Variants in MTCL1 observed in about 807,000 individuals in gnomAD.
The protein encoded by MTCL1 is microtubule crosslinking factor 1, also known as microtubule cross-linking factor 1.
MTCL1 carries 79 observed loss-of-function variants against 141.4 expected under a neutral mutation model. The ratio of observed to expected loss-of-function variants is 0.56; its 90% CI spans 0.47 to 0.67. The LOEUF (loss-of-function observed/expected upper bound fraction) is 0.67. MTCL1 is among the 30% of genes least tolerant of loss of function. The pLI, the probability that MTCL1 is intolerant of heterozygous loss-of-function variation, is 0.00. For missense variants in MTCL1, 2,177 were observed against 2,113.9 expected (o/e 1.03, Z -0.59); for synonymous variants, 914 against 875.8 (o/e 1.04, Z -0.77).
At chr18:8,794,528 G>A (rs773759900) in intron 8 of MTCL1, among the ~76,000 whole-genome samples, 2 of 152,202 alleles carry the variant, frequency 1.3e-5, no homozygotes, top group Admixed American at 6.5e-5. Context: ...GTGCGGGTCC[G>A]GGTGTCTCAG....
chr18:8,792,525 C>CT (rs35805399), intron 7 of MTCL1, among the ~76,000 whole-genome samples: 54,004 of 151,930 alleles, frequency 0.36, 9,944 homozygotes, highest in East Asian at 0.48. Context: ...AGGAAAAACT[C>CT]TAATAAGAAA....
At chr18:8,763,558 A>G (rs28649442) in intron 4 of MTCL1, among the ~76,000 whole-genome samples, 6,910 of 152,336 alleles carry the variant, frequency 0.045, 408 homozygotes, top group African/African-American at 0.12. Flanking sequence ...CTTGTATGGA[A>G]GAGGTTTCCT....
At chr18:8,730,538 G>A (rs1325846601) in intron 4 of MTCL1, among the ~76,000 whole-genome samples, 2 of 152,172 alleles carry the variant, frequency 1.3e-5, no homozygotes, top group Non-Finnish European at 2.9e-5. Flanking sequence ...TCATGAAATT[G>A]GCCTGTTTGG....
At chr18:8,721,564 T>C (rs540794505) in intron 4 of MTCL1, among the ~76,000 whole-genome samples, 1 of 152,136 alleles carries the variant, frequency 6.6e-6, no homozygotes, top group East Asian at 1.9e-4. Flanking sequence ...CGCTGGAATG[T>C]TCTTTCTCCA....
At chr18:8,794,612 C>T (rs2075851018) in intron 8 of MTCL1, among the ~76,000 whole-genome samples, 1 of 152,302 alleles carries the variant, frequency 6.6e-6, no homozygotes, top group African/African-American at 2.4e-5. Context: ...GAAGCTTGCC[C>T]AGCATGAGTC....
intron 12 of MTCL1, 88 bp downstream of exon 11, chr18:8,813,321 A>G (rs1049257689): frequency 3.7e-5 from 54 of 1,453,872 alleles, no homozygotes; most frequent in African/African-American, 8.5e-5. Flanking sequence ...AGGCTGCTTC[A>G]TGGTCCTTGC....
rs536138913 is a variant in MTCL1 at position 8,770,874 on chromosome 18, G to A, written c.358-6959G>A. Among the ~76,000 whole-genome samples the A allele has an allele frequency of 5.9e-5, 9 of 152,258 alleles. No individual in the cohort carries two copies. In the South Asian group the frequency reaches 1.9e-3, roughly 32 times the overall value. Reference sequence around the variant, plus strand: ...TCCTGTTGTGTAATTCCAGTGCAAGGTGAAGCAAGCAGCTCCATGGTGTGA... The same window carrying A: ...TCCTGTTGTGTAATTCCAGTGCAAGATGAAGCAAGCAGCTCCATGGTGTGA... On this transcript the variant is annotated intron_variant, in intron 4 of 16. Coordinates refer to ENST00000359865, the Ensembl canonical transcript of MTCL1.
intron 8 of MTCL1, 24 bp downstream of exon 7, chr18:8,793,144 C>A: frequency 6.2e-7 from 1 of 1,611,068 alleles, no homozygotes; most frequent in South Asian, 1.1e-5. Context: ...ACGGACTCAG[C>A]ACAACCGCTT....
At chr18:8,821,412 G>A (rs932891064) in intron 13 of MTCL1, 55 bp from the exon 13 acceptor site, 16 of 1,147,296 alleles carry the variant, frequency 1.4e-5, no homozygotes, top group Non-Finnish European at 2.1e-5. Context: ...GTACATTCAG[G>A]GCTTCTGGAC....
chr18:8,751,817 A>C (rs1388316351), intron 4 of MTCL1, among the ~76,000 whole-genome samples: 1 of 152,232 alleles, frequency 6.6e-6, no homozygotes, highest in Non-Finnish European at 1.5e-5. Context: ...GTTGGGGCAG[A>C]TGGAGCCGTG....
chr18:8,788,821 A>G (rs1465070043), intron 7 of MTCL1, among the ~76,000 whole-genome samples: 1 of 152,124 alleles, frequency 6.6e-6, no homozygotes, highest in African/African-American at 2.4e-5. Flanking sequence ...CAATGCAACC[A>G]CGCAAAAATG....
chr18:8,783,690 C>CG lies in MTCL1; in HGVS notation c.583dup (p.Glu195GlyfsTer72), dbSNP rs1375316108. ...GGGGATGTGGACAGTCCCCTGCCCA[C>CG]GGGGGAAGCAGGCGGGCCCCCCAGC... On this transcript the variant is annotated frameshift_variant, in exon 6 of 17. Coordinates refer to ENST00000359865, the Ensembl canonical transcript of MTCL1. LOFTEE classifies it high-confidence loss of function. 1 of 1,610,236 alleles carries CG rather than the reference C, an allele frequency of 6.2e-7. No homozygotes were observed. The highest frequency in any genetic ancestry group is 8.5e-7 in the Non-Finnish European group (1 of 1,178,064).
chr18:8,788,012 TG>T (rs1363147664), intron 7 of MTCL1, among the ~76,000 whole-genome samples: 1 of 96,070 alleles, frequency 1.0e-5, no homozygotes, highest in Non-Finnish European at 1.9e-5. Flanking sequence ...TGGATAATTC[TG>T]GGGGCAGAAC....
At chr18:8,809,523 G>T in intron 11 of MTCL1, 1 of 1,536,244 alleles carries the variant, frequency 6.5e-7, no homozygotes, top group Non-Finnish European at 8.7e-7. Context: ...TGGGTCCACG[G>T]TAAAAACGTT....
At chr18:8,783,768 A>C (rs754094208) in exon 6 of MTCL1, 2 of 1,613,136 alleles carry the variant, frequency 1.2e-6, no homozygotes, top group South Asian at 2.2e-5. Context: ...GAGGAAGCCA[A>C]CATCTTGGGC....
chr18:8,778,350 G>A (rs1446063297), intron 5 of MTCL1, among the ~76,000 whole-genome samples: 1 of 152,188 alleles, frequency 6.6e-6, no homozygotes, highest in Non-Finnish European at 1.5e-5. Context: ...AATATTCTCA[G>A]CCTTTTCTAG....
intron 9 of MTCL1, among the ~76,000 whole-genome samples, chr18:8,797,115 C>G (rs2075953534): frequency 6.6e-6 from 1 of 152,202 alleles, no homozygotes; most frequent in South Asian, 2.1e-4. Context: ...GCTCCCGTCT[C>G]CTTTGCTGCT....
intron 2 of MTCL1, chr18:8,718,031 T>C (rs2096141289): frequency 1.0e-6 from 1 of 958,062 alleles, no homozygotes; most frequent in Non-Finnish European, 1.3e-6. Flanking sequence ...GAAGGCAGGG[T>C]CCGTATGATT....
rs74732785 is a variant in MTCL1, at chr18:8,758,392, T to G, written c.358-19441T>G. On this transcript the variant is annotated intron_variant, in intron 4 of 16. Transcript: ENST00000359865. ...CCAGGAGATCTTTCCACTCATCTAG[T>G]CATGGCTCACTCCTTGTTTCCTAGG... 3.2e-3 allele frequency among the ~76,000 whole-genome samples: 486 copies of G among 152,314 alleles called. 1 individual carries two copies. Among genetic ancestry groups the G allele is most frequent in the Non-Finnish European group, 5.5e-3 (375 of 68,024 alleles).
Sources: allele counts gnomAD v4.1 joint callset (sites outside exome capture counted in the v4.1 genomes callset), GRCh38; gene constraint gnomAD v4.1.1; transcripts MANE v1.5; gene names NCBI Gene and HGNC (gene_info 2026-07-23, HGNC 2026-07-21).